The following ANXA5 variants were observed in gnomAD, a reference collection of about 807,000 sequenced individuals.
The protein encoded by ANXA5 is annexin A5, also known as CBP-I.
ANXA5 carries 40 observed loss-of-function variants against 48.1 expected under a neutral mutation model. The observed-to-expected ratio is 0.83, with a 90% CI of 0.65 to 1.08. The LOEUF (loss-of-function observed/expected upper bound fraction) is 1.08, where lower values mean the gene tolerates loss of function less well. ANXA5 is among the 50% of genes least tolerant of loss of function. ANXA5 has a pLI of 0.00. For synonymous variants in ANXA5, 113 were observed against 129.1 expected, an observed-to-expected ratio of 0.88 and a Z score of 0.85; for missense variants, 357 against 376.8, an observed-to-expected ratio of 0.95 and a Z score of 0.44.
rs146496147 is a variant in ANXA5 at position 121,669,691 on chromosome 4, C to G, written c.814G>C (p.Val272Leu). 6.2e-6 allele frequency: 10 copies of G among 1,611,018 alleles called. No individual in the cohort carries two copies. The highest frequency in any genetic ancestry group is 8.5e-6 in the Non-Finnish European group (10 of 1,179,060). The change falls in exon 12 of 13, where the codon GTC becomes CTC. Residue 272 changes from valine (V) to leucine (L), a missense_variant. By Grantham distance (32) the Val-to-Leu change is conservative (BLOSUM62 1). Coordinates refer to ENST00000296511, the MANE Select transcript of ANXA5 (RefSeq NM_001154.4). Reference protein sequence around the residue: ...AGTDDHTLIRVMVSRSEIDLF... With the variant: ...AGTDDHTLIRLMVSRSEIDLF... ...TCAATCTCACTCCTGGAAACCATGA[C>G]TCTGATGAGGGTATGATCATCTGTC...
chr4:121,671,699 T>C lies in ANXA5; in HGVS notation c.626-57A>G, dbSNP rs1273723418. On this transcript the variant is annotated intron_variant, in intron 9 of 12. Transcript: ENST00000296511. ...GTAGGGATCACTCTTTCCAGAAAGATGGTATTTACTTTGATTAGGTAGTGT... is the reference window on the plus strand; with the variant it reads ...GTAGGGATCACTCTTTCCAGAAAGACGGTATTTACTTTGATTAGGTAGTGT... 5 of 1,221,430 alleles carry C rather than the reference T, an allele frequency of 4.1e-6. No individual in the cohort carries two copies. In the African/African-American group the frequency reaches 4.5e-5, roughly 11 times the overall value. The allele number at this position is 1,221,430 out of a possible 1,614,324, so 75.7% of individuals were successfully genotyped here. A position where few individuals can be genotyped will look rare whatever the true frequency, so the allele number is the denominator to read the frequency against.
chr4:121,672,870 T>C (rs982201727), intron 8 of ANXA5, among the ~76,000 whole-genome samples: 10 of 152,182 alleles, frequency 6.6e-5, no homozygotes, highest in South Asian at 2.1e-4. Flanking sequence ...ACGGCAATGG[T>C]GCAAGGTTAC....
intron 2 of ANXA5, among the ~76,000 whole-genome samples, chr4:121,689,421 A>T (rs1724945533): frequency 6.6e-6 from 1 of 152,206 alleles, no homozygotes; most frequent in Non-Finnish European, 1.5e-5. Context: ...GCATATAACT[A>T]ATCAAGTGCA....
At chr4:121,669,002 T>C (rs1452611224) in intron 12 of ANXA5, among the ~76,000 whole-genome samples, 1 of 151,892 alleles carries the variant, frequency 6.6e-6, no homozygotes, top group Non-Finnish European at 1.5e-5. Context: ...AACTAAAAGC[T>C]TCTGCTCAAT....
In ANXA5 at chr4:121,696,585, G is replaced by A. The variant is rs200228261; in HGVS notation, c.5C>T (p.Ala2Val). Residue 2 changes from alanine to valine, a missense_variant, in exon 2 of 13, where the codon GCA (alanine) becomes GTA (valine). Transcript: ENST00000296511. The stretch of plus-strand genomic sequence containing the variant: ...GTGGGGGGCGCACGGCCTTACCTGT[G>A]CCATGGCGACTACTCAGGTCAGGGG... M[A>V]QVLRGTVTDF... The A allele has an allele frequency of 1.5e-5, 21 of 1,431,586 alleles. No homozygotes were observed. The East Asian group carries it at 2.4e-4, about 16-fold the overall frequency. The allele number at this position is 1,431,586 out of a possible 1,614,324, so 88.7% of individuals were successfully genotyped here.
intron 2 of ANXA5, among the ~76,000 whole-genome samples, chr4:121,689,318 A>C (rs928819064): frequency 6.6e-6 from 1 of 152,128 alleles, no homozygotes; most frequent in African/African-American, 2.4e-5. Flanking sequence ...TTACTCATTG[A>C]CTCACCATCT....
Position 121,686,326 on chromosome 4 carries a change from G to C in ANXA5, c.56C>G (p.Ala19Gly), listed in dbSNP as rs1724889198. Residue 19 changes from alanine (A) to glycine (G), a missense_variant, in exon 3 of 13, where the codon GCT (alanine) becomes GGT (glycine). Transcript: ENST00000296511. Reference sequence around the variant, plus strand: ...AGCCTTCCGAAGAGTTTCTGCATCAGCCCGCTCATCAAATCCAGGGAAGTC... The same window carrying C: ...AGCCTTCCGAAGAGTTTCTGCATCACCCCGCTCATCAAATCCAGGGAAGTC... The part of the protein sequence containing the change: ...VTDFPGFDER[A>G]DAETLRKAMK... 6.2e-7 allele frequency: 1 copy of C among 1,614,052 alleles called. No homozygotes were observed. Among genetic ancestry groups the C allele is most frequent in the Non-Finnish European group, 8.5e-7 (1 of 1,179,974 alleles).
At chr4:121,692,274 T>C (rs1054254899) in intron 2 of ANXA5, among the ~76,000 whole-genome samples, 7 of 152,250 alleles carry the variant, frequency 4.6e-5, no homozygotes, top group Admixed American at 1.3e-4. Context: ...TGAAGATTTG[T>C]AAAATGATTT....
intron 2 of ANXA5, among the ~76,000 whole-genome samples, chr4:121,695,863 C>T (rs1353284022): frequency 1.3e-5 from 2 of 150,872 alleles, no homozygotes; most frequent in Non-Finnish European, 2.9e-5. Context: ...CACTACGTCA[C>T]TGGACTCCAG....
chr4:121,692,755 T>G (rs1253653769), intron 2 of ANXA5, among the ~76,000 whole-genome samples: 1 of 152,216 alleles, frequency 6.6e-6, no homozygotes, highest in Non-Finnish European at 1.5e-5. Flanking sequence ...TAATACCTAT[T>G]TCCAAAACTG....
At chr4:121,676,685 G>A (rs150038667) in intron 8 of ANXA5, among the ~76,000 whole-genome samples, 40 of 146,354 alleles carry the variant, frequency 2.7e-4, no homozygotes, top group African/African-American at 9.1e-4. Flanking sequence ...GGGGGCGGGG[G>A]GGGGTATGGT....
chr4:121,691,982 T>C (rs1369506362), intron 2 of ANXA5, among the ~76,000 whole-genome samples: 3 of 152,116 alleles, frequency 2.0e-5, no homozygotes. Context: ...GTCAGAGACA[T>C]GCTCTCAACC....
intron 6 of ANXA5, among the ~76,000 whole-genome samples, chr4:121,680,281 G>A (rs559991019): frequency 1.3e-5 from 2 of 152,168 alleles, no homozygotes; most frequent in African/African-American, 4.8e-5. Flanking sequence ...GTTTGTGTGT[G>A]TGTGTGTACG....
intron 2 of ANXA5, among the ~76,000 whole-genome samples, chr4:121,690,027 G>T (rs1227953455): frequency 1.3e-5 from 2 of 152,198 alleles, no homozygotes; most frequent in Non-Finnish European, 2.9e-5. Context: ...CAATATTAAT[G>T]GGGTGGAAAG....
chr4:121,673,361 T>A (rs1724643364), intron 8 of ANXA5, among the ~76,000 whole-genome samples: 1 of 152,214 alleles, frequency 6.6e-6, no homozygotes, highest in African/African-American at 2.4e-5. Flanking sequence ...AATAATTTAT[T>A]AAAACCCAAA....
In ANXA5 at chr4:121,668,498, A is replaced by G. The variant is rs142275887; in HGVS notation, c.933T>C (p.Ala311=). ...KGDTSGDYKK[A]LLLLCGEDD ...CATCTTCTCCACAGAGCAGCAGAAG[A>G]GCTTTCTTATAGTCCCCAGATGTAT... is the stretch of plus-strand genomic sequence containing the variant. The change falls in exon 13 of 13, where the codon GCT becomes GCC. Residue 311 remains alanine, a synonymous_variant. Transcript: ENST00000296511. 2.1e-4 allele frequency: 332 copies of G among 1,613,510 alleles called. 4 individuals carry two copies. In the African/African-American group the frequency reaches 3.9e-3, roughly 19 times the overall value.
chr4:121,669,628 C>A lies in ANXA5; in HGVS notation c.877G>T (p.Ala293Ser). Residue 293 changes from alanine (A) to serine (S), a missense_variant, in exon 12 of 13, where the codon GCC becomes TCC. Transcript: ENST00000296511. ...TTAATCATGGAATAAAGAGAGGTGG[C>A]AAAATTCTTCCTAAACTCCTTCCTG... The part of the protein sequence containing the change: ...NIRKEFRKNF[A>S]TSLYSMIKGD... The A allele has an allele frequency of 6.2e-7, 1 of 1,612,882 alleles. No homozygotes were observed. The highest frequency in any genetic ancestry group is 8.5e-7 in the Non-Finnish European group (1 of 1,179,596).
intron 2 of ANXA5, among the ~76,000 whole-genome samples, chr4:121,691,253 A>G (rs946675545): frequency 1.4e-4 from 21 of 152,196 alleles, no homozygotes; most frequent in African/African-American, 5.1e-4. Flanking sequence ...TCCATTCTTT[A>G]GGTCTATAAT....
intron 2 of ANXA5, among the ~76,000 whole-genome samples, chr4:121,694,355 T>G (rs961445284): frequency 6.6e-6 from 1 of 152,176 alleles, no homozygotes; most frequent in Non-Finnish European, 1.5e-5. Flanking sequence ...CTTCATGACA[T>G]TCTTACTGCT....
Sources: allele counts gnomAD v4.1 joint callset (sites outside exome capture counted in the v4.1 genomes callset), GRCh38; gene constraint gnomAD v4.1.1; transcripts MANE v1.5; gene names NCBI Gene and HGNC (gene_info 2026-07-23, HGNC 2026-07-21).